Variants in BFSP2 observed in about 807,000 individuals in gnomAD.
BFSP2 encodes the protein beaded filament structural protein 2.
Under a neutral mutation model 44.9 loss-of-function variants are expected in BFSP2, and 38 were observed. That is an observed-to-expected ratio of 0.85 (90% CI 0.65 to 1.11). The LOEUF is 1.11. BFSP2 is among the 50% of genes least tolerant of loss of function. The pLI is 0.00. For missense variants in BFSP2, 525 were observed against 533.0 expected, an observed-to-expected ratio of 0.99 and a Z score of 0.15; for synonymous variants, 197 against 209.9, an observed-to-expected ratio of 0.94 and a Z score of 0.53.
intron 1 of BFSP2, among the ~76,000 whole-genome samples, chr3:133,419,256 T>G (rs2073571419): frequency 6.6e-6 from 1 of 152,222 alleles, no homozygotes; most frequent in South Asian, 2.1e-4. Context: ...AGTCACATTC[T>G]GGGGTACTGG....
intron 1 of BFSP2, among the ~76,000 whole-genome samples, chr3:133,416,098 A>C (rs1231679842): frequency 8.7e-6 from 1 of 115,334 alleles, no homozygotes; most frequent in Non-Finnish European, 1.7e-5. Context: ...CACCCCTGCT[A>C]TGTCCCATCT....
At chr3:133,414,186 C>T (rs2073484106) in intron 1 of BFSP2, among the ~76,000 whole-genome samples, 1 of 121,826 alleles carries the variant, frequency 8.2e-6, no homozygotes, top group Admixed American at 8.0e-5. Context: ...CCTCTCTCCC[C>T]TACTCATCCC....
At chr3:133,428,022 A>G (rs915312762) in intron 1 of BFSP2, among the ~76,000 whole-genome samples, 5 of 152,228 alleles carry the variant, frequency 3.3e-5, no homozygotes, top group African/African-American at 1.2e-4. Context: ...CAAGATTCAC[A>G]GGTTGAAGTG....
At chr3:133,402,889 C>T (rs1347472083) in intron 1 of BFSP2, among the ~76,000 whole-genome samples, 6 of 152,100 alleles carry the variant, frequency 3.9e-5, no homozygotes, top group Non-Finnish European at 8.8e-5. Flanking sequence ...GTGATCCACC[C>T]GCCTCTGCCT....
chr3:133,411,086 G>C (rs1176318809), intron 1 of BFSP2, among the ~76,000 whole-genome samples: 2 of 147,536 alleles, frequency 1.4e-5, no homozygotes, highest in South Asian at 4.3e-4. Context: ...GTCAGTTATA[G>C]AATAAAAGCA....
At chr3:133,447,682 G>A (rs1371066844) in intron 2 of BFSP2, among the ~76,000 whole-genome samples, 1 of 152,010 alleles carries the variant, frequency 6.6e-6, no homozygotes, top group East Asian at 1.9e-4. Context: ...AGATTGCTGC[G>A]CCCCACCCTG....
chr3:133,437,902 A>G (rs1028339005), intron 1 of BFSP2, among the ~76,000 whole-genome samples: 1 of 152,238 alleles, frequency 6.6e-6, no homozygotes, highest in Non-Finnish European at 1.5e-5. Flanking sequence ...GGGCACCTAC[A>G]TCGTAATTCT....
rs2073594702 is a variant in BFSP2, at chr3:133,421,796, C to T, written c.489+21224C>T. ...ACCTAACCCATTTCATCCTCTCTTC[C>T]TTTTGTACTTGAAATTAAATTCCAC... is the stretch of plus-strand genomic sequence containing the variant. On this transcript the variant is annotated intron_variant, in intron 1 of 6. Coordinates refer to ENST00000302334, the MANE Select transcript of BFSP2 (RefSeq NM_003571.4). Among the ~76,000 whole-genome samples, 7 of 152,172 alleles carry T rather than the reference C, an allele frequency of 4.6e-5. No individual in the cohort carries two copies. The South Asian group carries it at 1.5e-3, about 32-fold the overall frequency.
chr3:133,432,361 G>T (rs112754437), intron 1 of BFSP2, among the ~76,000 whole-genome samples: 18 of 152,096 alleles, frequency 1.2e-4, no homozygotes, highest in African/African-American at 3.9e-4. Flanking sequence ...TTCCGTTCTT[G>T]ATCTTAAAGA....
chr3:133,411,950 ATATAT>A (rs1384058369), intron 1 of BFSP2, among the ~76,000 whole-genome samples: 3 of 152,240 alleles, frequency 2.0e-5, no homozygotes, highest in Non-Finnish European at 2.9e-5. Context: ...CAATTAAAAA[ATATAT>A]TAGACACGAG....
At chr3:133,410,903 T>A (rs2073446100) in intron 1 of BFSP2, 1 of 154,602 alleles carries the variant, frequency 6.5e-6, no homozygotes, top group Admixed American at 6.5e-5. Context: ...GAAATTCTGA[T>A]TGAACTTGAA....
intron 1 of BFSP2, among the ~76,000 whole-genome samples, chr3:133,436,325 CAA>C (rs57060416): frequency 2.9e-4 from 23 of 78,092 alleles, no homozygotes; most frequent in Admixed American, 4.4e-4. Flanking sequence ...GACTCTGTCT[CAA>C]AAAAAAAAAA....
chr3:133,454,593 A>G (rs1004052239), intron 4 of BFSP2, among the ~76,000 whole-genome samples: 3 of 152,092 alleles, frequency 2.0e-5, no homozygotes, highest in Non-Finnish European at 4.4e-5. Flanking sequence ...GGTTCCCACA[A>G]CCTCCTCTGC....
At chr3:133,466,692 A>AAAAAAAAAC in intron 4 of BFSP2, 136 bp from the exon 5 acceptor site, 1 of 668,556 alleles carries the variant, frequency 1.5e-6, no homozygotes, top group South Asian at 1.9e-5. Context: ...AAAAAAAAAA[A>AAAAAAAAAC]AAAAAGATGT....
At chr3:133,469,088 G>C (rs2074137937) in intron 5 of BFSP2, among the ~76,000 whole-genome samples, 1 of 152,082 alleles carries the variant, frequency 6.6e-6, no homozygotes, top group Admixed American at 6.6e-5. Context: ...TAACCATTGG[G>C]GAAAAAAATG....
At chr3:133,446,017 A>G (rs2073893081) in intron 1 of BFSP2, among the ~76,000 whole-genome samples, 1 of 152,178 alleles carries the variant, frequency 6.6e-6, no homozygotes, top group Non-Finnish European at 1.5e-5. Flanking sequence ...ACCAGAGGTG[A>G]GAGACAGGAG....
In BFSP2 at chr3:133,400,726, C is replaced by A. The variant is rs925740301; in HGVS notation, c.489+154C>A. ...ATGGTAATGATAACAACAATGCTACCTTTTACCGAGGTTTACTAGGAGCCC... is the reference window on the plus strand; with the variant it reads ...ATGGTAATGATAACAACAATGCTACATTTTACCGAGGTTTACTAGGAGCCC... On this transcript the variant is annotated intron_variant, in intron 1 of 6. Transcript: ENST00000302334. This position sits in a 1 kb window ranked among gnomAD's most constrained non-coding sequence, Gnocchi z 4.0. Among the ~76,000 whole-genome samples the A allele has an allele frequency of 6.6e-6, 1 of 152,184 alleles. No homozygotes were observed. Among genetic ancestry groups the A allele is most frequent in the African/African-American group, 2.4e-5 (1 of 41,448 alleles).
chr3:133,450,210 G>C (rs1000897726), intron 3 of BFSP2, 93 bp from the exon 4 acceptor site: 182 of 1,427,752 alleles, frequency 1.3e-4, no homozygotes, highest in Middle Eastern at 3.5e-4. Context: ...AATGAGAAAA[G>C]AATTGCCCAC....
At chr3:133,409,352 C>T (rs999508971) in intron 1 of BFSP2, among the ~76,000 whole-genome samples, 1 of 151,988 alleles carries the variant, frequency 6.6e-6, no homozygotes, top group African/African-American at 2.4e-5. Flanking sequence ...AGATGCATGA[C>T]GTTTAGTGAC....
Sources: allele counts gnomAD v4.1 joint callset (sites outside exome capture counted in the v4.1 genomes callset), GRCh38; gene constraint gnomAD v4.1.1; non-coding constraint Gnocchi (gnomAD v3.1); transcripts MANE v1.5; gene names NCBI Gene and HGNC (gene_info 2026-07-23, HGNC 2026-07-21).